The following HELZ variants were observed in gnomAD, a reference collection of about 807,000 sequenced individuals.
HELZ encodes helicase with zinc finger.
In HELZ, 23 loss-of-function variants were observed where a neutral mutation model predicts 218.2. The ratio of observed to expected loss-of-function variants is 0.11; its 90% CI spans 0.08 to 0.15. The LOEUF (loss-of-function observed/expected upper bound fraction) is 0.15, where lower values mean the gene tolerates loss of function less well. HELZ is among the 10% of genes least tolerant of loss of function. The pLI, the probability that HELZ is intolerant of heterozygous loss-of-function variation, is 1.00. For synonymous variants in HELZ, 814 were observed against 829.4 expected (o/e 0.98, Z 0.32); for missense variants, 1,813 against 2,353.7 (o/e 0.77, Z 4.75).
At chr17:67,078,870 G>GT (rs1212115690) in intron 32 of HELZ, among the ~76,000 whole-genome samples, 1 of 152,242 alleles carries the variant, frequency 6.6e-6, no homozygotes, top group African/African-American at 2.4e-5. Context: ...ACTAGTTTGT[G>GT]TAACTGTACA....
chr17:67,094,668 T>C (rs1175694159), intron 31 of HELZ, among the ~76,000 whole-genome samples: 1 of 152,174 alleles, frequency 6.6e-6, no homozygotes, highest in Non-Finnish European at 1.5e-5. Context: ...CACATGCCTG[T>C]AGGCCCAGCT....
At chr17:67,214,518 G>A (rs904497478) in intron 5 of HELZ, among the ~76,000 whole-genome samples, 3 of 151,028 alleles carry the variant, frequency 2.0e-5, no homozygotes, top group East Asian at 2.0e-4. Context: ...CACCCACCTC[G>A]GCCTCCCCAA....
intron 30 of HELZ, among the ~76,000 whole-genome samples, chr17:67,107,953 A>G (rs1463253451): frequency 1.3e-5 from 2 of 152,214 alleles, no homozygotes; most frequent in African/African-American, 4.8e-5. Flanking sequence ...ACTGGAAGTT[A>G]TAAAAGGTCA....
At chr17:67,097,519 T>C (rs2036785749) in intron 31 of HELZ, among the ~76,000 whole-genome samples, 1 of 152,200 alleles carries the variant, frequency 6.6e-6, no homozygotes, top group African/African-American at 2.4e-5. Context: ...GCAAGGGCAC[T>C]TATAATTTAC....
At chr17:67,171,921 T>C (rs2039323468) in intron 13 of HELZ, among the ~76,000 whole-genome samples, 1 of 151,502 alleles carries the variant, frequency 6.6e-6, no homozygotes, top group South Asian at 2.1e-4. Context: ...TACCTCCACC[T>C]CCCGGGTTCA....
rs2036025388 is a variant in HELZ, at chr17:67,076,624, T to C, written c.*1628A>G. On this transcript the variant is annotated 3_prime_UTR_variant, in exon 33 of 33. Coordinates refer to ENST00000358691, the MANE Select transcript of HELZ (RefSeq NM_014877.4). ...ACCATTAACCAAAGGCACTCTTTTA[T>C]CCCAAACTGTCTGAGGATTAAAAGG... The C allele has an allele frequency of 6.6e-6, 1 of 152,224 alleles. No homozygotes were observed. Among genetic ancestry groups the C allele is most frequent in the South Asian group, 2.1e-4 (1 of 4,826 alleles). 9.4% of individuals were successfully genotyped at this position (152,224 alleles called of 1,614,324 possible).
intron 24 of HELZ, among the ~76,000 whole-genome samples, chr17:67,127,325 C>T (rs567894930): frequency 2.0e-5 from 3 of 152,296 alleles, no homozygotes; most frequent in African/African-American, 7.2e-5. Flanking sequence ...AAATAAACAG[C>T]TAATACATTA....
chr17:67,226,979 G>A (rs2040910572), intron 3 of HELZ, among the ~76,000 whole-genome samples: 1 of 152,134 alleles, frequency 6.6e-6, no homozygotes. Context: ...TTGTGAGCAG[G>A]TATGGGGTGG....
rs548306808 is a variant in HELZ at position 67,217,554 on chromosome 17, G to A, written c.210+1041C>T. Among the ~76,000 whole-genome samples the A allele has an allele frequency of 5.5e-4, 84 of 152,256 alleles. 1 individual carries two copies. The highest frequency in any genetic ancestry group is 1.9e-3 in the African/African-American group (81 of 41,554). ...CCCTGCAATAGCTCCCCAACTCACA[G>A]AGAATAAAAACCAAAGTCTTTATCA... is the stretch of plus-strand genomic sequence containing the variant. On this transcript the variant is annotated intron_variant, in intron 4 of 32. Coordinates refer to ENST00000358691, the MANE Select transcript of HELZ (RefSeq NM_014877.4).
Position 67,194,060 on chromosome 17 carries a change from T to G in HELZ, c.482-18A>C. The G allele has an allele frequency of 6.4e-7, 1 of 1,568,800 alleles. No homozygotes were observed. Among genetic ancestry groups the G allele is most frequent in the East Asian group, 2.2e-5 (1 of 44,628 alleles). On this transcript the variant is annotated intron_variant, in intron 8 of 32. Transcript: ENST00000358691. ...ACAAGACCCTAGGGAGTAATTAGGA[T>G]ATAGTCTTATCATTTGAGGCTAGCC...
intron 3 of HELZ, 118 bp from the exon 4 acceptor site, chr17:67,218,940 T>G (rs779335030): frequency 1.2e-5 from 8 of 672,074 alleles, no homozygotes; most frequent in Admixed American, 1.1e-4. Context: ...GCTAGCCTTT[T>G]GATCAAGGTC....
intron 12 of HELZ, among the ~76,000 whole-genome samples, chr17:67,183,836 A>C (rs1244543722): frequency 3.3e-5 from 5 of 151,792 alleles, no homozygotes; most frequent in African/African-American, 7.3e-5. Flanking sequence ...CTTTTTCTGA[A>C]CCCGAATCTC....
At position 67,172,700 on chromosome 17, in the gene HELZ, T is replaced by G. The variant is rs190673813; in HGVS notation, c.1431-4904A>C. On this transcript the variant is annotated intron_variant, in intron 13 of 32. Transcript: ENST00000358691. ...TTAGCTCACTGCAGCCTTGACCTCC[T>G]GAGCTCAAGCGATCCTCCCCTCAGC... Among the ~76,000 whole-genome samples the G allele has an allele frequency of 3.3e-5, 5 of 152,260 alleles. No homozygotes were observed. In the East Asian group the frequency reaches 9.7e-4, roughly 29 times the overall value.
rs750607035 is a variant in HELZ at position 67,123,004 on chromosome 17, T to C, written c.3596A>G (p.Tyr1199Cys). ...GTSILYVPAVYGGNVVMSVPL... is the reference protein window; with the variant it reads ...GTSILYVPAVCGGNVVMSVPL... ...CACCGACATAACTACATTCCCTCCA[T>C]AGACAGCAGGTACATAAAGAATACT... is the stretch of plus-strand genomic sequence containing the variant. Residue 1199 changes from tyrosine to cysteine, a missense_variant, in exon 26 of 33, where the codon TAT (tyrosine) becomes TGT (cysteine). Around this residue, in one of 4 missense-constraint regions of HELZ, gnomAD observed 938 missense variants for 1,027.5 expected, o/e 0.91. Coordinates refer to ENST00000358691, the MANE Select transcript of HELZ (RefSeq NM_014877.4). The C allele has an allele frequency of 1.3e-5, 21 of 1,613,280 alleles. No homozygotes were observed. Among genetic ancestry groups the C allele is most frequent in the East Asian group, 6.7e-5 (3 of 44,866 alleles).
rs2039653723 is a variant in HELZ at position 67,182,928 on chromosome 17, TAAG to T, written c.1163-4005_1163-4003del. ...CCTTTAACAGGACCTGGAAGGTAGA[TAAG>T]AAGAAAATAAGCGGTGGGGAAATCG... On this transcript the variant is annotated intron_variant, in intron 12 of 32. Coordinates refer to ENST00000358691, the MANE Select transcript of HELZ (RefSeq NM_014877.4). Among the ~76,000 whole-genome samples the T allele has an allele frequency of 2.0e-5, 3 of 152,144 alleles. No individual in the cohort carries two copies. In the South Asian group the frequency reaches 6.2e-4, roughly 31 times the overall value.
Position 67,166,506 on chromosome 17 carries a change from T to A in HELZ, c.1867A>T (p.Thr623Ser). 6.2e-7 allele frequency: 1 copy of A among 1,613,244 alleles called. No homozygotes were observed. Among genetic ancestry groups the A allele is most frequent in the Non-Finnish European group, 8.5e-7 (1 of 1,179,312 alleles). The change falls in exon 15 of 33, where the codon ACT (threonine) becomes TCT (serine). Residue 623 changes from threonine (T) to serine (S), a missense_variant. Transcript: ENST00000358691. ...NGVLFPDISM[T>S]PTIPWSPNRQ... ...TTAGGACTCCATGGTATGGTGGGAG[T>A]CATACTGATGTCTGGAAACAAAACC...
chr17:67,124,575 T>C (rs2037722481), intron 24 of HELZ, among the ~76,000 whole-genome samples: 1 of 152,160 alleles, frequency 6.6e-6, no homozygotes, highest in South Asian at 2.1e-4. Flanking sequence ...TGAGATAATC[T>C]AGCTAACTGC....
At position 67,075,458 on chromosome 17, in the gene HELZ, C is replaced by T. The variant is rs1282518137; in HGVS notation, c.*2794G>A. 1 of 152,018 alleles carries T rather than the reference C, an allele frequency of 6.6e-6. No homozygotes were observed. The highest frequency in any genetic ancestry group is 1.5e-5 in the Non-Finnish European group (1 of 68,000). The allele number at this position is 152,018 out of a possible 1,614,324, so 9.4% of individuals were successfully genotyped here. On this transcript the variant is annotated 3_prime_UTR_variant, in exon 33 of 33. Transcript: ENST00000358691. ...TATACATATACTATACATATATATG[C>T]ATATATAAGGGTTGAACCTAGCATA...
chr17:67,147,125 T>C (rs1312282263), intron 20 of HELZ, among the ~76,000 whole-genome samples: 2 of 152,222 alleles, frequency 1.3e-5, no homozygotes, highest in South Asian at 2.1e-4. Context: ...CAAACCATCA[T>C]GCTGTTTGTC....
Sources: allele counts gnomAD v4.1 joint callset (sites outside exome capture counted in the v4.1 genomes callset), GRCh38; gene constraint gnomAD v4.1.1; regional missense constraint gnomAD v4.1.1; transcripts MANE v1.5; gene names NCBI Gene and HGNC (gene_info 2026-07-23, HGNC 2026-07-21).